HECTD2: variants seen among roughly 807,000 people sequenced by gnomAD.
HECTD2 encodes probable E3 ubiquitin-protein ligase HECTD2.
Under a neutral mutation model 103.2 loss-of-function variants are expected in HECTD2, and 35 were observed. The observed-to-expected ratio is 0.34, with a 90% CI of 0.26 to 0.45. The LOEUF is 0.45. Ranked by LOEUF, HECTD2 falls within the 20% of genes least tolerant of loss-of-function variation. HECTD2 has a pLI of 1.00. For missense variants in HECTD2, 596 were observed against 937.4 expected (o/e 0.64, Z 4.76); for synonymous variants, 281 against 329.9 (o/e 0.85, Z 1.61).
intron 14 of HECTD2, among the ~76,000 whole-genome samples, chr10:91,493,945 G>A (rs1334983012): frequency 1.3e-5 from 2 of 151,946 alleles, no homozygotes; most frequent in African/African-American, 4.8e-5. Flanking sequence ...CATAAAGGAA[G>A]CATCCATAAA....
chr10:91,491,497 T>C (rs1014082638), intron 12 of HECTD2, among the ~76,000 whole-genome samples, 190 bp downstream of exon 12: 1 of 152,190 alleles, frequency 6.6e-6, no homozygotes, highest in African/African-American at 2.4e-5. Flanking sequence ...TCTGTATTCA[T>C]AATTGTCTTA....
intron 20 of HECTD2, among the ~76,000 whole-genome samples, chr10:91,504,046 A>G (rs1847033086): frequency 6.6e-6 from 1 of 152,156 alleles, no homozygotes; most frequent in African/African-American, 2.4e-5. Context: ...GGGTACTCCA[A>G]CAGACCTGCA....
intron 5 of HECTD2, among the ~76,000 whole-genome samples, chr10:91,465,158 TAAAC>T (rs1351700520): frequency 3.9e-5 from 6 of 152,204 alleles, no homozygotes. Flanking sequence ...ATTGTTGAAC[TAAAC>T]AAACGAGTAA....
intron 1 of HECTD2, among the ~76,000 whole-genome samples, chr10:91,414,875 C>CTT (rs898343993): frequency 3.9e-5 from 6 of 152,148 alleles, no homozygotes; most frequent in African/African-American, 1.4e-4. Context: ...GGCAGAAAAG[C>CTT]TTAGACAGTT....
intron 20 of HECTD2, among the ~76,000 whole-genome samples, chr10:91,506,180 CA>C (rs1847159807): frequency 6.7e-6 from 1 of 149,510 alleles, no homozygotes; most frequent in Non-Finnish European, 1.5e-5. Context: ...AGGAAAGATC[CA>C]AAATTGACAC....
chr10:91,454,590 T>G (rs1286754725), intron 2 of HECTD2, among the ~76,000 whole-genome samples: 1 of 152,062 alleles, frequency 6.6e-6, no homozygotes, highest in Non-Finnish European at 1.5e-5. Context: ...TTTTTAATAC[T>G]TTAAGTTCTA....
At chr10:91,461,707 C>G (rs1845356834) in intron 4 of HECTD2, among the ~76,000 whole-genome samples, 1 of 151,974 alleles carries the variant, frequency 6.6e-6, no homozygotes, top group Non-Finnish European at 1.5e-5. Context: ...TGTCACCACA[C>G]CCGGCTAATT....
chr10:91,416,037 CTT>C (rs11333012), intron 1 of HECTD2, among the ~76,000 whole-genome samples: 4 of 136,214 alleles, frequency 2.9e-5, no homozygotes, highest in African/African-American at 1.5e-4. Context: ...TCTTTGTCAA[CTT>C]TTTTTTTTAA....
intron 1 of HECTD2, among the ~76,000 whole-genome samples, chr10:91,424,822 A>G (rs903648765): frequency 6.6e-6 from 1 of 152,198 alleles, no homozygotes; most frequent in African/African-American, 2.4e-5. Flanking sequence ...CTGAACTTGT[A>G]AAGTTGCATC....
intron 20 of HECTD2, among the ~76,000 whole-genome samples, chr10:91,504,656 G>T (rs1358764582): frequency 2.6e-5 from 4 of 151,920 alleles, no homozygotes; most frequent in African/African-American, 9.7e-5. Context: ...TCTGATTGGT[G>T]TACCTGAAAG....
chr10:91,412,947 T>C (rs2132958745), intron 1 of HECTD2, among the ~76,000 whole-genome samples: 1 of 152,196 alleles, frequency 6.6e-6, no homozygotes, highest in East Asian at 1.9e-4. Context: ...TTCAGCCTCC[T>C]GTAGATTAAA....
rs1030636865 is a variant in HECTD2 at position 91,512,403 on chromosome 10, T to C, written c.*19T>C. 5 of 1,605,760 alleles carry C rather than the reference T, an allele frequency of 3.1e-6. No homozygotes were observed. Among genetic ancestry groups the C allele is most frequent in the East Asian group, 2.2e-5 (1 of 44,814 alleles). On this transcript the variant is annotated 3_prime_UTR_variant, in exon 21 of 21. Coordinates refer to ENST00000298068, the MANE Select transcript of HECTD2 (RefSeq NM_182765.6). ...TGAGTAACCTAGAAGACTTGAAATA[T>C]AATCTTTTATATGTAGCATTCACTT...
rs1350857640 is a variant in HECTD2 at position 91,410,730 on chromosome 10, TAA to T, written c.138+157_138+158del. ...CAGGCCGCCCTTCCTTGGGCAGAAA[TAA>T]AAGAGTTGTGCCTCGTGGACAGCCC... On this transcript the variant is annotated intron_variant, in intron 1 of 20. Coordinates refer to ENST00000298068, the MANE Select transcript of HECTD2 (RefSeq NM_182765.6). 2.6e-5 allele frequency among the ~76,000 whole-genome samples: 4 copies of T among 152,170 alleles called. No individual in the cohort carries two copies. The East Asian group carries it at 7.8e-4, about 30-fold the overall frequency.
chr10:91,422,732 A>G (rs186285249), intron 1 of HECTD2, among the ~76,000 whole-genome samples: 2 of 152,276 alleles, frequency 1.3e-5, no homozygotes, highest in East Asian at 3.9e-4. Flanking sequence ...TTTTATGGAA[A>G]GGTATTGTGT....
rs540997955 is a variant in HECTD2, at chr10:91,465,719, T to C, written c.600+3535T>C. Reference sequence around the variant, plus strand: ...TGATTTTTCTTTTTTAGCTTGTCGATGTGATGAATTACATTAGTTGATTTT... The same window carrying C: ...TGATTTTTCTTTTTTAGCTTGTCGACGTGATGAATTACATTAGTTGATTTT... On this transcript the variant is annotated intron_variant, in intron 5 of 20. Transcript: ENST00000298068. Among the ~76,000 whole-genome samples the C allele has an allele frequency of 9.8e-5, 15 of 152,332 alleles. 1 individual carries two copies. In the South Asian group the frequency reaches 3.1e-3, roughly 32 times the overall value.
At chr10:91,477,073 C>T (rs1223402380) in intron 5 of HECTD2, among the ~76,000 whole-genome samples, 9 of 151,474 alleles carry the variant, frequency 5.9e-5, no homozygotes, top group Non-Finnish European at 1.0e-4. Context: ...CCCAGCTACT[C>T]GGGAGGCTGA....
intron 1 of HECTD2, among the ~76,000 whole-genome samples, chr10:91,417,369 TTTTTC>T (rs1456610546): frequency 6.6e-6 from 1 of 151,832 alleles, no homozygotes; most frequent in African/African-American, 2.4e-5. Flanking sequence ...TTCATTTACT[TTTTTC>T]TTTTTTTTTA....
intron 2 of HECTD2, among the ~76,000 whole-genome samples, chr10:91,459,521 C>T (rs1345004274): frequency 6.6e-6 from 1 of 152,016 alleles, no homozygotes; most frequent in Non-Finnish European, 1.5e-5. Context: ...TATGCAACAA[C>T]TTGGATGAAT....
At chr10:91,468,961 G>C (rs1439213750) in intron 5 of HECTD2, among the ~76,000 whole-genome samples, 3 of 127,282 alleles carry the variant, frequency 2.4e-5, no homozygotes, top group Non-Finnish European at 5.0e-5. Flanking sequence ...AAAAAAACAA[G>C]AGTACAGTTG....
Sources: gnomAD v4.1 joint callset for allele counts (sites outside exome capture counted in the v4.1 genomes callset) on GRCh38, gnomAD v4.1.1 for gene constraint, MANE v1.5 for transcripts, NCBI Gene and HGNC (gene_info 2026-07-23, HGNC 2026-07-21) for gene names.